Variants in PPM1L observed in about 807,000 individuals in gnomAD.
PPM1L encodes the protein protein phosphatase, Mg2+/Mn2+ dependent 1L, also known as protein phosphatase 1L.
Under a neutral mutation model 31.4 loss-of-function variants are expected in PPM1L, and 13 were observed. That is an observed-to-expected ratio of 0.41 (90% confidence interval 0.27 to 0.66). The LOEUF (loss-of-function observed/expected upper bound fraction) is 0.66, where lower values mean the gene tolerates loss of function less well. PPM1L is among the 30% of genes least tolerant of loss of function. The pLI is 0.29. For missense variants in PPM1L, 326 were observed against 453.7 expected (o/e 0.72, Z 2.56); for synonymous variants, 184 against 175.4 (o/e 1.05, Z -0.39).
chr3:160,839,836 T>C (rs1713816513), intron 1 of PPM1L, among the ~76,000 whole-genome samples: 1 of 152,114 alleles, frequency 6.6e-6, no homozygotes, highest in African/African-American at 2.4e-5. Flanking sequence ...AGCAAACTGG[T>C]CAAAGTAATG....
intron 1 of PPM1L, among the ~76,000 whole-genome samples, chr3:160,954,929 TTCCTTCCTTCCTTCCTTCCTTCCTTCC>T (rs755914700): frequency 0.011 from 387 of 34,692 alleles, no homozygotes; most frequent in Middle Eastern, 0.058. Flanking sequence ...CCTTCTTTCC[TTCCTTCCTTCCTTCCTTCCTTCCTTCC>T]TTCCTTTCCT....
rs141494916 is a variant in PPM1L, at chr3:160,879,651, T to G, written c.400-82085T>G. 2.6e-5 allele frequency among the ~76,000 whole-genome samples: 4 copies of G among 152,264 alleles called. No individual in the cohort carries two copies. The East Asian group carries it at 7.7e-4, about 29-fold the overall frequency. ...ACATATGGTTAAAAGCCAGAATAAA[T>G]TGGCAGATAACAAATTCCTTTAGGA... On this transcript the variant is annotated intron_variant, in intron 1 of 3. Coordinates refer to ENST00000498165, the MANE Select transcript of PPM1L (RefSeq NM_139245.4).
chr3:160,941,542 G>T (rs1467517796), intron 1 of PPM1L, among the ~76,000 whole-genome samples: 1 of 152,084 alleles, frequency 6.6e-6, no homozygotes, highest in Admixed American at 6.5e-5. Flanking sequence ...TTTATCAGGG[G>T]TTTCTGCTTT....
At chr3:160,854,418 GAGT>G (rs2108115499) in intron 1 of PPM1L, among the ~76,000 whole-genome samples, 1 of 152,298 alleles carries the variant, frequency 6.6e-6, no homozygotes, top group South Asian at 2.1e-4. Context: ...CAAAGGGCAT[GAGT>G]AGGGAACAGT....
intron 1 of PPM1L, among the ~76,000 whole-genome samples, chr3:160,767,503 G>A (rs1056263819): frequency 2.0e-5 from 3 of 152,094 alleles, no homozygotes; most frequent in Non-Finnish European, 2.9e-5. Flanking sequence ...CCAAAGCGCT[G>A]CAATTACAGG....
intron 1 of PPM1L, among the ~76,000 whole-genome samples, chr3:160,919,005 T>C (rs1287039651): frequency 6.6e-6 from 1 of 152,144 alleles, no homozygotes; most frequent in Non-Finnish European, 1.5e-5. Flanking sequence ...AAACAGAGAT[T>C]AAAGAGAAGG....
At chr3:160,931,802 T>C (rs1298906922) in intron 1 of PPM1L, among the ~76,000 whole-genome samples, 1 of 152,246 alleles carries the variant, frequency 6.6e-6, no homozygotes, top group Non-Finnish European at 1.5e-5. Context: ...TGTTTTCTTC[T>C]TCAGATGGTG....
chr3:160,949,288 T>C (rs913319098), intron 1 of PPM1L, among the ~76,000 whole-genome samples: 2 of 152,152 alleles, frequency 1.3e-5, no homozygotes, highest in Non-Finnish European at 2.9e-5. Flanking sequence ...TTAGATACTG[T>C]GTGTGTATTT....
intron 1 of PPM1L, among the ~76,000 whole-genome samples, chr3:160,924,861 T>C (rs956759359): frequency 2.0e-5 from 3 of 152,222 alleles, no homozygotes; most frequent in East Asian, 3.8e-4. Flanking sequence ...TTCTGACTTA[T>C]ATCTAATGAT....
rs143742272 is a variant in PPM1L, at chr3:160,815,490, G to A, written c.399+58783G>A. Among the ~76,000 whole-genome samples, 690 of 152,094 alleles carry A rather than the reference G, an allele frequency of 4.5e-3. 6 individuals are homozygous for A. Among genetic ancestry groups the A allele is most frequent in the African/African-American group, 0.016 (656 of 41,488 alleles). On this transcript the variant is annotated intron_variant, in intron 1 of 3. Coordinates refer to ENST00000498165, the MANE Select transcript of PPM1L (RefSeq NM_139245.4). ...AGGTACAGGGGAGGGGGAGGGTGGT[G>A]GTACTTATTAGCATATTAAAGGTGC...
At chr3:160,900,217 T>G (rs1194080374) in intron 1 of PPM1L, among the ~76,000 whole-genome samples, 2 of 152,138 alleles carry the variant, frequency 1.3e-5, no homozygotes, top group Admixed American at 1.3e-4. Flanking sequence ...TCTTTTATAT[T>G]AACAGGTTTC....
intron 2 of PPM1L, among the ~76,000 whole-genome samples, chr3:161,023,333 GTCTCA>G (rs1405333955): frequency 6.6e-6 from 1 of 151,764 alleles, no homozygotes; most frequent in Non-Finnish European, 1.5e-5. Flanking sequence ...TCCTTTCTCT[GTCTCA>G]TCTCCTTTAG....
chr3:160,934,380 G>A (rs1019920153), intron 1 of PPM1L, among the ~76,000 whole-genome samples: 18 of 152,178 alleles, frequency 1.2e-4, no homozygotes, highest in African/African-American at 4.1e-4. Context: ...AGAGAAAGAG[G>A]TGGTGTGATC....
At chr3:160,910,039 A>G (rs909152128) in intron 1 of PPM1L, among the ~76,000 whole-genome samples, 3 of 152,082 alleles carry the variant, frequency 2.0e-5, no homozygotes, top group Admixed American at 6.5e-5. Flanking sequence ...AATATTAACT[A>G]TTTACTCTTT....
intron 2 of PPM1L, among the ~76,000 whole-genome samples, chr3:160,965,866 A>T (rs571118111): frequency 6.6e-6 from 1 of 152,118 alleles, no homozygotes; most frequent in Non-Finnish European, 1.5e-5. Context: ...AGCCTGAGTG[A>T]CTTAATGACA....
chr3:160,824,513 A>G (rs531150039), intron 1 of PPM1L, among the ~76,000 whole-genome samples: 11 of 152,284 alleles, frequency 7.2e-5, no homozygotes, highest in African/African-American at 2.6e-4. Context: ...CATAGGCTGG[A>G]ATCCTGTGCG....
chr3:161,073,379 T>C lies in PPM1L; in HGVS notation c.*4222T>C, dbSNP rs1719994901. ...TGGGAAATTCTGGTATATTGAAATATTGCTGTGTTTTCATTCACGATGACT... is the reference window on the plus strand; with the variant it reads ...TGGGAAATTCTGGTATATTGAAATACTGCTGTGTTTTCATTCACGATGACT... On this transcript the variant is annotated 3_prime_UTR_variant, in exon 4 of 4. Transcript: ENST00000498165. 2.0e-5 allele frequency: 3 copies of C among 152,286 alleles called. No homozygotes were observed. The South Asian group carries it at 6.2e-4, about 32-fold the overall frequency. 9.4% of individuals were successfully genotyped at this position (152,286 alleles called of 1,614,324 possible). A position where few individuals can be genotyped will look rare whatever the true frequency, so the allele number is the denominator to read the frequency against.
intron 1 of PPM1L, among the ~76,000 whole-genome samples, chr3:160,761,833 G>T (rs1381558148): frequency 2.6e-5 from 4 of 152,170 alleles, no homozygotes; most frequent in Non-Finnish European, 5.9e-5. Flanking sequence ...GACCGGAGAA[G>T]AAGAGAGCTT....
At position 160,952,477 on chromosome 3, in the gene PPM1L, T is replaced by C. The variant is rs1715604489; in HGVS notation, c.400-9259T>C. Reference sequence around the variant, plus strand: ...CCATGATAATCTCTCCTGTATCTTGTGAATACCTTGTGATCATCCCTCGGT... The same window carrying C: ...CCATGATAATCTCTCCTGTATCTTGCGAATACCTTGTGATCATCCCTCGGT... On this transcript the variant is annotated intron_variant, in intron 1 of 3. Coordinates refer to ENST00000498165, the MANE Select transcript of PPM1L (RefSeq NM_139245.4). Among the ~76,000 whole-genome samples, 3 of 152,220 alleles carry C rather than the reference T, an allele frequency of 2.0e-5. No individual in the cohort carries two copies. In the South Asian group the frequency reaches 6.2e-4, roughly 31 times the overall value.
Sources: gnomAD v4.1 joint callset for allele counts (sites outside exome capture counted in the v4.1 genomes callset) on GRCh38, gnomAD v4.1.1 for gene constraint, MANE v1.5 for transcripts, NCBI Gene and HGNC (gene_info 2026-07-23, HGNC 2026-07-21) for gene names.